SLCO3A1: variants seen among roughly 807,000 people sequenced by gnomAD.
The protein encoded by SLCO3A1 is PGE1 transporter.
In SLCO3A1, 27 loss-of-function variants were observed where a neutral mutation model predicts 63.1. The observed-to-expected ratio is 0.43, with a 90% CI of 0.32 to 0.59. SLCO3A1 has a LOEUF of 0.59. SLCO3A1 is among the 20% of genes least tolerant of loss of function. SLCO3A1 has a pLI of 0.09. For missense variants in SLCO3A1, 773 were observed against 945.8 expected, an observed-to-expected ratio of 0.82 and a Z score of 2.40; for synonymous variants, 473 against 409.9, an observed-to-expected ratio of 1.15 and a Z score of -1.86.
chr15:91,971,394 C>CAAAAAAAAAAAAAAAAAAAAAAAA lies in SLCO3A1; in HGVS notation c.646+54952_646+54953insAAAAAAAAAAAAAAAAAAAAAAAA, dbSNP rs796386299. Among the ~76,000 whole-genome samples the CAAAAAAAAAAAAAAAAAAAAAAAA allele has an allele frequency of 7.8e-3, 305 of 39,300 alleles. 42 individuals are homozygous for CAAAAAAAAAAAAAAAAAAAAAAAA. Among genetic ancestry groups the CAAAAAAAAAAAAAAAAAAAAAAAA allele is most frequent in the East Asian group, 0.012 (10 of 840 alleles). The allele number at this position is 39,300 out of a possible 152,430, so 25.8% of individuals were successfully genotyped here. A position where few individuals can be genotyped will look rare whatever the true frequency, so the allele number is the denominator to read the frequency against. ...TGGGTGACAGAGCGAGACTCCATCTCAAAAAAAAAAAAAAAAGCAACCTCT... is the reference window on the plus strand; with the variant it reads ...TGGGTGACAGAGCGAGACTCCATCTCAAAAAAAAAAAAAAAAAAAAAAAAAAAAAAAAAAAAAAAAGCAACCTCT... On this transcript the variant is annotated intron_variant, in intron 2 of 9. Coordinates refer to ENST00000318445, the MANE Select transcript of SLCO3A1 (RefSeq NM_013272.4).
chr15:92,144,371 T>C (rs897625234), intron 7 of SLCO3A1, among the ~76,000 whole-genome samples: 2 of 152,198 alleles, frequency 1.3e-5, no homozygotes, highest in Non-Finnish European at 2.9e-5. Context: ...AGGCCAGTTA[T>C]GAGGAGATGC....
In SLCO3A1 at chr15:91,867,900, G is replaced by A. The variant is rs149160105; in HGVS notation, c.180+13812G>A. On this transcript the variant is annotated intron_variant, in intron 1 of 9. Transcript: ENST00000318445. ...AAGGTTGTGTGAGTCAGGTCAGGAAGCATTTCTGCGCTGTTGCTCCAAGCC... is the reference window on the plus strand; with the variant it reads ...AAGGTTGTGTGAGTCAGGTCAGGAAACATTTCTGCGCTGTTGCTCCAAGCC... Among the ~76,000 whole-genome samples, 262 of 152,322 alleles carry A rather than the reference G, an allele frequency of 1.7e-3. 2 individuals carry two copies. Among genetic ancestry groups the A allele is most frequent in the African/African-American group, 6.1e-3 (253 of 41,574 alleles).
At chr15:92,120,903 G>A (rs2047855569) in intron 5 of SLCO3A1, among the ~76,000 whole-genome samples, 1 of 152,160 alleles carries the variant, frequency 6.6e-6, no homozygotes, top group African/African-American at 2.4e-5. Flanking sequence ...GTGTGAAATG[G>A]GAAATTTGAG....
chr15:91,987,906 G>A (rs1215622039), intron 2 of SLCO3A1, among the ~76,000 whole-genome samples: 3 of 152,054 alleles, frequency 2.0e-5, no homozygotes, highest in Non-Finnish European at 4.4e-5. Context: ...ATACCTAAAG[G>A]AGGGGTCCTC....
At chr15:92,086,831 C>A (rs2047410263) in intron 2 of SLCO3A1, among the ~76,000 whole-genome samples, 1 of 151,950 alleles carries the variant, frequency 6.6e-6, no homozygotes, top group Non-Finnish European at 1.5e-5. Context: ...CAAAAATTAG[C>A]CAGGCATGGT....
chr15:92,058,550 A>G (rs1315847703), intron 2 of SLCO3A1, among the ~76,000 whole-genome samples: 2 of 152,138 alleles, frequency 1.3e-5, no homozygotes, highest in African/African-American at 4.8e-5. Context: ...GAAGAGAAGA[A>G]CAGGCAAATG....
intron 7 of SLCO3A1, among the ~76,000 whole-genome samples, chr15:92,139,631 C>T (rs1331595791): frequency 6.6e-5 from 10 of 152,094 alleles, no homozygotes; most frequent in Admixed American, 1.3e-4. Flanking sequence ...TGGTAAACTA[C>T]TGATTATTGC....
chr15:91,982,379 A>G (rs1207768052), intron 2 of SLCO3A1, among the ~76,000 whole-genome samples: 2 of 152,250 alleles, frequency 1.3e-5, no homozygotes, highest in Non-Finnish European at 2.9e-5. Flanking sequence ...AAAGAGTTGT[A>G]GTTTCTTTCG....
At chr15:92,002,040 C>T (rs1443689111) in intron 2 of SLCO3A1, among the ~76,000 whole-genome samples, 1 of 152,054 alleles carries the variant, frequency 6.6e-6, no homozygotes, top group Non-Finnish European at 1.5e-5. Flanking sequence ...AAGATCACTA[C>T]ATACGGAAGA....
intron 2 of SLCO3A1, among the ~76,000 whole-genome samples, chr15:92,068,399 C>T (rs1169740662): frequency 6.8e-6 from 1 of 147,596 alleles, no homozygotes; most frequent in Non-Finnish European, 1.5e-5. Flanking sequence ...AAAAGGGAAG[C>T]AGAATCCAAA....
intron 3 of SLCO3A1, among the ~76,000 whole-genome samples, chr15:92,102,763 C>T (rs1419775236): frequency 9.9e-5 from 15 of 152,122 alleles, no homozygotes; most frequent in Non-Finnish European, 5.9e-5. Flanking sequence ...GCTCATGGCA[C>T]AAAGAGCAGG....
In SLCO3A1 at chr15:91,912,875, C is replaced by T. The variant is rs1028690014; in HGVS notation, c.181-3118C>T. On this transcript the variant is annotated intron_variant, in intron 1 of 9. Coordinates refer to ENST00000318445, the MANE Select transcript of SLCO3A1 (RefSeq NM_013272.4). This position sits in a 1 kb window ranked among gnomAD's most constrained non-coding sequence, Gnocchi z 5.0. Reference sequence around the variant, plus strand: ...CTCAAGACTCACACAAAGGCCTGGGCGAGGCTCCCCAAAGCCCCCTACCTC... The same window carrying T: ...CTCAAGACTCACACAAAGGCCTGGGTGAGGCTCCCCAAAGCCCCCTACCTC... Among the ~76,000 whole-genome samples, 2 of 152,138 alleles carry T rather than the reference C, an allele frequency of 1.3e-5. No individual in the cohort carries two copies. The highest frequency in any genetic ancestry group is 2.4e-5 in the African/African-American group (1 of 41,436).
At chr15:92,060,160 C>CAGTG (rs912299450) in intron 2 of SLCO3A1, among the ~76,000 whole-genome samples, 1 of 152,170 alleles carries the variant, frequency 6.6e-6, no homozygotes, top group African/African-American at 2.4e-5. Context: ...CTGGGTGAGT[C>CAGTG]AGTGAGTGAG....
rs778580784 is a variant in SLCO3A1 at position 91,894,571 on chromosome 15, C to A, written c.181-21422C>A. On this transcript the variant is annotated intron_variant, in intron 1 of 9. Transcript: ENST00000318445. The surrounding 1 kb of genome is among the most constrained non-coding windows in gnomAD (Gnocchi z 4.8). ...AGCAGAGGCAATGGAGGAGGGTCCC[C>A]AGCACTGTGTTGCCATGGAGTGGAC... Among the ~76,000 whole-genome samples, 30 of 152,214 alleles carry A rather than the reference C, an allele frequency of 2.0e-4. No individual in the cohort carries two copies. The highest frequency in any genetic ancestry group is 3.4e-4 in the Non-Finnish European group (23 of 68,016).
chr15:92,060,432 C>T (rs985689461), intron 2 of SLCO3A1, among the ~76,000 whole-genome samples: 8 of 151,732 alleles, frequency 5.3e-5, no homozygotes, highest in Non-Finnish European at 8.8e-5. Flanking sequence ...CTGTGATGCA[C>T]GCCTGTAATC....
At chr15:92,076,898 A>G (rs566766624) in intron 2 of SLCO3A1, among the ~76,000 whole-genome samples, 86 of 152,346 alleles carry the variant, frequency 5.6e-4, no homozygotes, top group African/African-American at 2.0e-3. Context: ...GTATTAGTCC[A>G]TTCTCATGCT....
intron 2 of SLCO3A1, among the ~76,000 whole-genome samples, chr15:92,007,204 A>G (rs535853973): frequency 6.6e-6 from 1 of 152,354 alleles, no homozygotes; most frequent in South Asian, 2.1e-4. Context: ...TGCTAAGAAT[A>G]AGGAAGAGAG....
At chr15:92,028,539 A>T (rs2046604798) in intron 2 of SLCO3A1, among the ~76,000 whole-genome samples, 1 of 152,160 alleles carries the variant, frequency 6.6e-6, no homozygotes, top group Non-Finnish European at 1.5e-5. Context: ...AGATGAGGAG[A>T]GAAAAGACAC....
intron 2 of SLCO3A1, among the ~76,000 whole-genome samples, chr15:92,083,442 C>T (rs117517093): frequency 6.6e-6 from 1 of 152,286 alleles, no homozygotes; most frequent in East Asian, 1.9e-4. Flanking sequence ...GGTTTGAGTG[C>T]AGGGCAGCGT....
Sources: gnomAD v4.1 joint callset for allele counts (sites outside exome capture counted in the v4.1 genomes callset) on GRCh38, gnomAD v4.1.1 for gene constraint, Gnocchi (gnomAD v3.1) non-coding constraint, MANE v1.5 for transcripts, NCBI Gene and HGNC (gene_info 2026-07-23, HGNC 2026-07-21) for gene names.